ULK4: variants seen among roughly 807,000 people sequenced by gnomAD.
The protein encoded by ULK4 is unc-51 like kinase 4, also known as inactive serine/threonine-protein kinase ULK4.
Under a neutral mutation model 160.6 loss-of-function variants are expected in ULK4, and 133 were observed. That is an observed-to-expected ratio of 0.83 (90% CI 0.72 to 0.96). ULK4 has a LOEUF of 0.96. ULK4 is among the 40% of genes least tolerant of loss of function. The pLI is 0.00. For synonymous variants in ULK4, 534 were observed against 539.8 expected (o/e 0.99, Z 0.15); for missense variants, 1,580 against 1,499.5 (o/e 1.05, Z -0.89).
intron 17 of ULK4, among the ~76,000 whole-genome samples, chr3:41,873,084 A>C (rs1697160130): frequency 6.6e-6 from 1 of 152,136 alleles, no homozygotes; most frequent in Non-Finnish European, 1.5e-5. Context: ...CCTGGGAGGG[A>C]AAGGCTGCAG....
chr3:41,395,394 A>G (rs1575508562), intron 35 of ULK4, among the ~76,000 whole-genome samples: 1 of 152,146 alleles, frequency 6.6e-6, no homozygotes, highest in African/African-American at 2.4e-5. Flanking sequence ...CCATCAATGG[A>G]TAACACATTT....
At position 41,391,309 on chromosome 3, in the gene ULK4, C is replaced by T. The variant is rs531887323; in HGVS notation, c.3678+6770G>A. On this transcript the variant is annotated intron_variant, in intron 35 of 36. Transcript: ENST00000301831. ...TGGTTTTAGGAAATCTTCTAAAAAACCAGATTGCATATAAAATTGATTGAA... is the reference window on the plus strand; with the variant it reads ...TGGTTTTAGGAAATCTTCTAAAAAATCAGATTGCATATAAAATTGATTGAA... 2.0e-5 allele frequency among the ~76,000 whole-genome samples: 3 copies of T among 152,142 alleles called. No homozygotes were observed. In the South Asian group the frequency reaches 6.2e-4, roughly 32 times the overall value.
intron 30 of ULK4, among the ~76,000 whole-genome samples, chr3:41,640,833 A>G (rs1192380504): frequency 6.6e-6 from 1 of 152,202 alleles, no homozygotes; most frequent in Middle Eastern, 3.2e-3. Flanking sequence ...TTTCAATGGT[A>G]AAAATAAAAA....
intron 32 of ULK4, among the ~76,000 whole-genome samples, chr3:41,546,294 A>T (rs761206244): frequency 3.2e-4 from 49 of 152,138 alleles, no homozygotes; most frequent in Non-Finnish European, 3.8e-4. Flanking sequence ...GCTTAGTTTT[A>T]TTCTGTTAGG....
chr3:41,701,989 A>C (rs1028373949), intron 27 of ULK4, among the ~76,000 whole-genome samples: 2 of 152,180 alleles, frequency 1.3e-5, no homozygotes, highest in African/African-American at 4.8e-5. Flanking sequence ...AAGAAAGTGG[A>C]AGTAGGTAAG....
At chr3:41,373,472 G>T (rs745481174) in intron 35 of ULK4, among the ~76,000 whole-genome samples, 1 of 151,974 alleles carries the variant, frequency 6.6e-6, no homozygotes, top group Admixed American at 6.6e-5. Flanking sequence ...AGAAATCAGG[G>T]TTAAGAAACT....
chr3:41,765,837 A>T (rs904909052), intron 21 of ULK4, among the ~76,000 whole-genome samples: 1 of 152,242 alleles, frequency 6.6e-6, no homozygotes, highest in Non-Finnish European at 1.5e-5. Context: ...TCAATTAAAA[A>T]GTATGTATGA....
chr3:41,920,781 G>A (rs1382131014), intron 5 of ULK4, among the ~76,000 whole-genome samples: 2 of 152,044 alleles, frequency 1.3e-5, no homozygotes, highest in South Asian at 2.1e-4. Flanking sequence ...TGTGTGCCCT[G>A]ATGCGTGACT....
chr3:41,501,313 C>T (rs140368055), intron 32 of ULK4, among the ~76,000 whole-genome samples: 30 of 152,202 alleles, frequency 2.0e-4, no homozygotes, highest in Admixed American at 1.8e-3. Flanking sequence ...TTGGCTAACA[C>T]GGTGAAACCC....
In ULK4 at chr3:41,735,242, TGAGA is replaced by T. The variant is rs150128588; in HGVS notation, c.2322-17385_2322-17382del. ...CAGGTGAAGAGGAGAAACAGAAACA[TGAGA>T]GAGAAGAACTGACTGCCTGGAAATG... is the stretch of plus-strand genomic sequence containing the variant. On this transcript the variant is annotated intron_variant, in intron 22 of 36. Coordinates refer to ENST00000301831, the MANE Select transcript of ULK4 (RefSeq NM_017886.4). 3.5e-4 allele frequency among the ~76,000 whole-genome samples: 53 copies of T among 152,050 alleles called. No homozygotes were observed. In the East Asian group the frequency reaches 0.01, roughly 29 times the overall value.
intron 35 of ULK4, among the ~76,000 whole-genome samples, chr3:41,295,822 C>A (rs946520035): frequency 4.6e-5 from 7 of 152,314 alleles, no homozygotes; most frequent in East Asian, 3.9e-4. Flanking sequence ...TCGCTCATTG[C>A]TGGTAAGAAT....
At chr3:41,866,331 T>C (rs1696878689) in intron 17 of ULK4, among the ~76,000 whole-genome samples, 1 of 152,248 alleles carries the variant, frequency 6.6e-6, no homozygotes, top group Non-Finnish European at 1.5e-5. Flanking sequence ...TATATATTAA[T>C]GCAGCAGTCC....
At chr3:41,305,425 T>C (rs2079889178) in intron 35 of ULK4, among the ~76,000 whole-genome samples, 1 of 152,252 alleles carries the variant, frequency 6.6e-6, no homozygotes, top group African/African-American at 2.4e-5. Flanking sequence ...TTTCGCTGTG[T>C]TGGCCAGGCC....
intron 34 of ULK4, among the ~76,000 whole-genome samples, chr3:41,447,201 C>T (rs890601209): frequency 6.6e-6 from 1 of 151,844 alleles, no homozygotes; most frequent in Non-Finnish European, 1.5e-5. Context: ...CTTTCTTCAA[C>T]CTCTCTAACT....
At position 41,691,815 on chromosome 3, in the gene ULK4, T is replaced by C. The variant is rs375608986; in HGVS notation, c.2782-10011A>G. Among the ~76,000 whole-genome samples, 328 of 151,698 alleles carry C rather than the reference T, an allele frequency of 2.2e-3. 2 individuals are homozygous for C. Among genetic ancestry groups the C allele is most frequent in the African/African-American group, 7.7e-3 (319 of 41,450 alleles). On this transcript the variant is annotated intron_variant, in intron 27 of 36. Coordinates refer to ENST00000301831, the MANE Select transcript of ULK4 (RefSeq NM_017886.4). ...ACATGATGAACCTCAATCTGCATTT[T>C]GAGAAATCAAATTAAAATTGTACGC...
intron 35 of ULK4, among the ~76,000 whole-genome samples, chr3:41,348,027 G>A (rs1228625997): frequency 1.3e-5 from 2 of 151,904 alleles, no homozygotes; most frequent in Admixed American, 1.3e-4. Flanking sequence ...GGCCAATATG[G>A]TGAAACCCTG....
intron 34 of ULK4, among the ~76,000 whole-genome samples, chr3:41,419,890 C>T (rs1374088525): frequency 3.9e-5 from 6 of 151,918 alleles, no homozygotes; most frequent in African/African-American, 1.5e-4. Context: ...GGGGAAGCCA[C>T]TGCCCACCGC....
intron 35 of ULK4, among the ~76,000 whole-genome samples, chr3:41,317,063 ATTTTTTTT>A (rs1164870603): frequency 1.1e-5 from 1 of 94,550 alleles, no homozygotes; most frequent in South Asian, 3.7e-4. Context: ...AATTACATCT[ATTTTTTTT>A]TTTTTTTTTT....
chr3:41,595,134 A>G (rs1171094908), intron 31 of ULK4, among the ~76,000 whole-genome samples: 1 of 152,210 alleles, frequency 6.6e-6, no homozygotes, highest in African/African-American at 2.4e-5. Context: ...ATCAGAACAG[A>G]TGACACACTC....
Sources: gnomAD v4.1 joint callset for allele counts (sites outside exome capture counted in the v4.1 genomes callset) on GRCh38, gnomAD v4.1.1 for gene constraint, MANE v1.5 for transcripts, NCBI Gene and HGNC (gene_info 2026-07-23, HGNC 2026-07-21) for gene names.